The following TOMM22 variants were observed in gnomAD, a reference collection of about 807,000 sequenced individuals.
The protein encoded by TOMM22 is translocase of outer mitochondrial membrane 22, also known as mitochondrial import receptor subunit TOM22 homolog.
In TOMM22, 3 loss-of-function variants were observed where a neutral mutation model predicts 17.1. That is an observed-to-expected ratio of 0.18 (90% CI 0.08 to 0.45). The LOEUF (loss-of-function observed/expected upper bound fraction) is 0.45, where lower values mean the gene tolerates loss of function less well. TOMM22 is among the 20% of genes least tolerant of loss of function. The pLI, the probability that TOMM22 is intolerant of heterozygous loss-of-function variation, is 0.99. For missense variants in TOMM22, 159 were observed against 179.5 expected, an observed-to-expected ratio of 0.89 and a Z score of 0.65; for synonymous variants, 91 against 74.0, an observed-to-expected ratio of 1.23 and a Z score of -1.18.
rs1239194451 is a variant in TOMM22 at position 38,685,197 on chromosome 22, A to G, written c.*1356A>G. ...GAAAGGTAATTGCTCAAGGCTGCAG[A>G]GTTAAGTGCTAGACCTGGATTCAAA... is the stretch of plus-strand genomic sequence containing the variant. On this transcript the variant is annotated 3_prime_UTR_variant, in exon 4 of 4. Coordinates refer to ENST00000216034, the MANE Select transcript of TOMM22 (RefSeq NM_020243.5). 1.3e-5 allele frequency: 2 copies of G among 152,250 alleles called. No individual in the cohort carries two copies. Among genetic ancestry groups the G allele is most frequent in the Non-Finnish European group, 2.9e-5 (2 of 68,058 alleles). The allele number at this position is 152,250 out of a possible 1,614,324, so 9.4% of individuals were successfully genotyped here. A position where few individuals can be genotyped will look rare whatever the true frequency, so the allele number is the denominator to read the frequency against.
intron 2 of TOMM22, 76 bp from the exon 3 acceptor site, chr22:38,682,803 G>GT: frequency 8.1e-7 from 1 of 1,241,572 alleles, no homozygotes; most frequent in Non-Finnish European, 1.2e-6. Context: ...AATGTGAGAG[G>GT]TTTGGTTACT....
At chr22:38,682,755 G>A in intron 2 of TOMM22, 124 bp from the exon 3 acceptor site, 2 of 827,602 alleles carry the variant, frequency 2.4e-6, no homozygotes, top group South Asian at 3.0e-5. Flanking sequence ...GGTGTAAGGA[G>A]CGGGTAGAAT....
chr22:38,682,277 A>C, intron 1 of TOMM22, 46 bp from the exon 2 acceptor site: 1 of 1,590,596 alleles, frequency 6.3e-7, no homozygotes, highest in East Asian at 2.2e-5. Flanking sequence ...GGGGCCAGGA[A>C]TGGATGTCGC....
rs572717186 is a variant in TOMM22 at position 38,682,536 on chromosome 22, G to A, written c.236+95G>A. ...TTTGGAAGCAGCAGACCCGTGTTGG[G>A]TGACCTTGGGCTTGTACCCTATCCT... On this transcript the variant is annotated intron_variant, in intron 2 of 3. Coordinates refer to ENST00000216034, the MANE Select transcript of TOMM22 (RefSeq NM_020243.5). 2.4e-4 allele frequency: 266 copies of A among 1,129,306 alleles called. No homozygotes were observed. In the African/African-American group the frequency reaches 3.7e-3, roughly 16 times the overall value. The allele number at this position is 1,129,306 out of a possible 1,614,324, so 70.0% of individuals were successfully genotyped here.
rs1040606685 is a variant in TOMM22 at position 38,685,172 on chromosome 22, G to C, written c.*1331G>C. On this transcript the variant is annotated 3_prime_UTR_variant, in exon 4 of 4. Transcript: ENST00000216034. ...TTTTACAGAAGAGGAAACAGCCACA[G>C]AAAGGTAATTGCTCAAGGCTGCAGA... 6.6e-6 allele frequency: 1 copy of C among 152,256 alleles called. No homozygotes were observed. Among genetic ancestry groups the C allele is most frequent in the Non-Finnish European group, 1.5e-5 (1 of 68,066 alleles). 9.4% of individuals were successfully genotyped at this position (152,256 alleles called of 1,614,324 possible).
Position 38,684,505 on chromosome 22 carries a change from T to G in TOMM22, c.*664T>G, listed in dbSNP as rs764335054. The G allele has an allele frequency of 6.6e-5, 10 of 152,216 alleles. No homozygotes were observed. The highest frequency in any genetic ancestry group is 1.5e-4 in the Non-Finnish European group (10 of 68,068). The allele number at this position is 152,216 out of a possible 1,614,324, so 9.4% of individuals were successfully genotyped here. A position where few individuals can be genotyped will look rare whatever the true frequency, so the allele number is the denominator to read the frequency against. On this transcript the variant is annotated 3_prime_UTR_variant, in exon 4 of 4. Transcript: ENST00000216034. ...AACTGAAAGTGTCATCCTAAGTACC[T>G]TGAAATGAGACCACGTCAGAGACAT... is the stretch of plus-strand genomic sequence containing the variant.
intron 2 of TOMM22, 147 bp downstream of exon 2, chr22:38,682,588 G>A (rs559872168): frequency 1.1e-5 from 8 of 739,370 alleles, no homozygotes; most frequent in Non-Finnish European, 1.8e-5. Context: ...CTGTAAAATG[G>A]GGATTCTTAC....
chr22:38,682,954 GA>G lies in TOMM22; in HGVS notation c.314del (p.Lys105SerfsTer17). On this transcript the variant is annotated frameshift_variant, in exon 3 of 4. Coordinates refer to ENST00000216034, the MANE Select transcript of TOMM22 (RefSeq NM_020243.5). LOFTEE classifies it high-confidence loss of function. ...TTCTTCCCGTTGTCTTTGAGACGGA[GA>G]AGTTGCAAATGGAGCAACAGCAGCA... ...LVLPVVFETE[K>X]LQMEQQQQLQ... 6.2e-7 allele frequency: 1 copy of G among 1,613,804 alleles called. No individual in the cohort carries two copies. The highest frequency in any genetic ancestry group is 8.5e-7 in the Non-Finnish European group (1 of 1,179,856).
Position 38,684,725 on chromosome 22 carries a change from A to G in TOMM22, c.*884A>G, listed in dbSNP as rs2092490847. The G allele has an allele frequency of 6.6e-6, 1 of 152,156 alleles. No homozygotes were observed. Among genetic ancestry groups the G allele is most frequent in the African/African-American group, 2.4e-5 (1 of 41,422 alleles). 9.4% of individuals were successfully genotyped at this position (152,156 alleles called of 1,614,324 possible). ...GGGTCTATGTACTTCTTTAGTCTAT[A>G]ATGACACTGTGTAATTATAAAGTAT... On this transcript the variant is annotated 3_prime_UTR_variant, in exon 4 of 4. Coordinates refer to ENST00000216034, the MANE Select transcript of TOMM22 (RefSeq NM_020243.5).
rs1265760035 is a variant in TOMM22, at chr22:38,682,015, C to T, written c.37C>T (p.Pro13Ser). The T allele has an allele frequency of 1.9e-6, 3 of 1,611,444 alleles. No individual in the cohort carries two copies. The highest frequency in any genetic ancestry group is 2.2e-5 in the East Asian group (1 of 44,796). The change falls in exon 1 of 4, where the codon CCC becomes TCC. Residue 13 changes from proline to serine, a missense_variant. Pro to Ser is a moderately conservative substitution (Grantham distance 74). Around this residue, in one of 3 missense-constraint regions of TOMM22, gnomAD observed 107 missense variants for 100.2 expected, o/e 1.07. Transcript: ENST00000216034. ...CGTCGCTGCTGCCGGTGCAGGGGAA[C>T]CCCAGTCCCCGGACGAATTGCTCCC... The part of the protein sequence containing the change: ...AAVAAAGAGE[P>S]QSPDELLPKG...
chr22:38,683,150 G>GGGTGGGGGGGGGGGGC (rs2092485100), intron 3 of TOMM22, among the ~76,000 whole-genome samples, 154 bp downstream of exon 3: 3 of 137,018 alleles, frequency 2.2e-5, no homozygotes, highest in Non-Finnish European at 3.1e-5. Context: ...GTCGGGGGGG[G>GGGTGGGGGGGGGGGGC]GGTTCTGGAT....
chr22:38,683,932 A>G lies in TOMM22; in HGVS notation c.*91A>G. 1.8e-6 allele frequency: 2 copies of G among 1,089,772 alleles called. No individual in the cohort carries two copies. Among genetic ancestry groups the G allele is most frequent in the Non-Finnish European group, 2.7e-6 (2 of 733,406 alleles). 67.5% of individuals were successfully genotyped at this position (1,089,772 alleles called of 1,614,324 possible). A position where few individuals can be genotyped will look rare whatever the true frequency, so the allele number is the denominator to read the frequency against. ...TAATTTGGATTTTTTTTTTTTTTTA[A>G]CTTTGGCACATTGATCTATCTAAAC... On this transcript the variant is annotated 3_prime_UTR_variant, in exon 4 of 4. Coordinates refer to ENST00000216034, the MANE Select transcript of TOMM22 (RefSeq NM_020243.5).
At chr22:38,682,149 G>C in intron 1 of TOMM22, 54 bp downstream of exon 1, 2 of 1,533,102 alleles carry the variant, frequency 1.3e-6, no homozygotes, top group Non-Finnish European at 1.8e-6. Flanking sequence ...CGTGGGTGTG[G>C]GATCCGCGTG....
At chr22:38,683,662 C>A in intron 3 of TOMM22, 105 bp from the exon 4 acceptor site, 1 of 820,930 alleles carries the variant, frequency 1.2e-6, no homozygotes, top group Non-Finnish European at 2.0e-6. Flanking sequence ...AGTTGTCTGA[C>A]TGTGCTTTCA....
chr22:38,682,851 C>T lies in TOMM22; in HGVS notation c.237-28C>T, dbSNP rs371301387. 5 of 1,600,764 alleles carry T rather than the reference C, an allele frequency of 3.1e-6. No homozygotes were observed. In the African/African-American group the frequency reaches 4.0e-5, roughly 13 times the overall value. ...CCTGTTTTGTTTGCATGTCTTCATG[C>T]TCACCCTCTGGGGATTTTCCTCTGC... On this transcript the variant is annotated intron_variant, in intron 2 of 3. Transcript: ENST00000216034.
In TOMM22 at chr22:38,684,117, T is replaced by G. The variant is rs1363123068; in HGVS notation, c.*276T>G. On this transcript the variant is annotated 3_prime_UTR_variant, in exon 4 of 4. Coordinates refer to ENST00000216034, the MANE Select transcript of TOMM22 (RefSeq NM_020243.5). ...CACCCGACTCCTTTCACCAAATTGC[T>G]CCTAACTGGAAGATCTCACTTTCCC... is the stretch of plus-strand genomic sequence containing the variant. 2.6e-6 allele frequency: 1 copy of G among 386,946 alleles called. No individual in the cohort carries two copies. The highest frequency in any genetic ancestry group is 3.7e-5 in the East Asian group (1 of 26,816). The allele number at this position is 386,946 out of a possible 1,614,324, so 24.0% of individuals were successfully genotyped here.
At position 38,684,198 on chromosome 22, in the gene TOMM22, C is replaced by T. The variant is rs2092488702; in HGVS notation, c.*357C>T. 1 of 195,648 alleles carries T rather than the reference C, an allele frequency of 5.1e-6. No homozygotes were observed. The highest frequency in any genetic ancestry group is 1.0e-5 in the Non-Finnish European group (1 of 99,320). The allele number at this position is 195,648 out of a possible 1,614,324, so 12.1% of individuals were successfully genotyped here. A position where few individuals can be genotyped will look rare whatever the true frequency, so the allele number is the denominator to read the frequency against. ...GGGATGTGCCCCTGACCATTAACGA[C>T]TGTTTTTTTTTTTTTTTTTTAAAGA... is the stretch of plus-strand genomic sequence containing the variant. On this transcript the variant is annotated 3_prime_UTR_variant, in exon 4 of 4. Coordinates refer to ENST00000216034, the MANE Select transcript of TOMM22 (RefSeq NM_020243.5).
Position 38,682,327 on chromosome 22 carries a change from A to G in TOMM22, c.122A>G (p.Asp41Gly), listed in dbSNP as rs540041047. Residue 41 changes from aspartate (D) to glycine (G), a missense_variant, in exon 2 of 4, where the codon GAT becomes GGT. By Grantham distance (94) the Asp-to-Gly change is moderately conservative (BLOSUM62 -1). This residue lies in a region of TOMM22 where 107 missense variants were observed against 100.2 expected (regional missense o/e 1.07). Transcript: ENST00000216034. ...ELEEDDDEEL[D>G]ETLSERLWGL... is the part of the protein sequence containing the mutation. ...CCCGCGTCTACTCCACCACAGCTAG[A>G]TGAGACCCTGTCGGAGAGACTATGG... The G allele has an allele frequency of 7.4e-6, 12 of 1,613,996 alleles. No individual in the cohort carries two copies. Among genetic ancestry groups the G allele is most frequent in the African/African-American group, 1.3e-5 (1 of 74,940 alleles).
rs558451648 is a variant in TOMM22, at chr22:38,683,737, A to C, written c.355-30A>C. On this transcript the variant is annotated intron_variant, in intron 3 of 3. Coordinates refer to ENST00000216034, the MANE Select transcript of TOMM22 (RefSeq NM_020243.5). ...AGAATAAGCTCTCTAGGCCTGTATGATGCCTTACACCCCTCCTTTTCTTTT... is the reference window on the plus strand; with the variant it reads ...AGAATAAGCTCTCTAGGCCTGTATGCTGCCTTACACCCCTCCTTTTCTTTT... 4 of 1,584,820 alleles carry C rather than the reference A, an allele frequency of 2.5e-6. No homozygotes were observed. In the South Asian group the frequency reaches 4.4e-5, roughly 18 times the overall value.
Sources: gnomAD v4.1 joint callset for allele counts (sites outside exome capture counted in the v4.1 genomes callset) on GRCh38, gnomAD v4.1.1 for gene constraint, gnomAD v4.1.1 regional missense constraint, MANE v1.5 for transcripts, NCBI Gene and HGNC (gene_info 2026-07-23, HGNC 2026-07-21) for gene names.